The following KCNIP4 variants were observed in gnomAD, a reference collection of about 807,000 sequenced individuals.
KCNIP4 encodes potassium voltage-gated channel interacting protein 4.
KCNIP4 carries 12 observed loss-of-function variants against 34.0 expected under a neutral mutation model. The observed-to-expected ratio is 0.35, with a 90% CI of 0.23 to 0.57. KCNIP4 has a LOEUF of 0.57. KCNIP4 is among the 20% of genes least tolerant of loss of function. The probability of loss-of-function intolerance (pLI) is 0.83; values close to 1 mark genes in which losing one functional copy is unlikely to be tolerated. For missense variants in KCNIP4, 238 were observed against 311.7 expected (o/e 0.76, Z 1.78); for synonymous variants, 124 against 102.2 (o/e 1.21, Z -1.29).
chr4:20,862,717 C>T (rs1250717591), intron 2 of KCNIP4, among the ~76,000 whole-genome samples: 1 of 152,056 alleles, frequency 6.6e-6, no homozygotes, highest in Admixed American at 6.6e-5. Flanking sequence ...TGGAATCAAC[C>T]TAAATGCCCA....
At chr4:20,895,261 T>C (rs1007334358) in intron 1 of KCNIP4, among the ~76,000 whole-genome samples, 1 of 152,216 alleles carries the variant, frequency 6.6e-6, no homozygotes, top group Non-Finnish European at 1.5e-5. Context: ...CATCTTGTCT[T>C]GAATATAGTC....
chr4:21,729,068 C>T (rs1266525828), intron 1 of KCNIP4, among the ~76,000 whole-genome samples: 1 of 152,166 alleles, frequency 6.6e-6, no homozygotes, highest in Non-Finnish European at 1.5e-5. Context: ...TATCTCTCCT[C>T]CAGAACCTAA....
At chr4:21,761,685 T>C (rs1377926894) in intron 1 of KCNIP4, among the ~76,000 whole-genome samples, 1 of 152,104 alleles carries the variant, frequency 6.6e-6, no homozygotes, top group Non-Finnish European at 1.5e-5. Flanking sequence ...AAAGTGTTTC[T>C]TATAACAAAA....
At chr4:21,468,064 CA>C (rs1412295654) in intron 1 of KCNIP4, among the ~76,000 whole-genome samples, 1 of 152,044 alleles carries the variant, frequency 6.6e-6, no homozygotes, top group East Asian at 1.9e-4. Context: ...GATCACTCTG[CA>C]AAAAGCTTAC....
At chr4:21,415,004 C>T (rs1373630110) in intron 1 of KCNIP4, among the ~76,000 whole-genome samples, 3 of 151,916 alleles carry the variant, frequency 2.0e-5, no homozygotes, top group African/African-American at 7.3e-5. Flanking sequence ...AACAAATTAT[C>T]GCTGACTATA....
intron 1 of KCNIP4, among the ~76,000 whole-genome samples, chr4:20,996,705 A>T (rs561470275): frequency 2.3e-4 from 35 of 152,040 alleles, no homozygotes; most frequent in Non-Finnish European, 5.9e-5. Flanking sequence ...GTTCCTCTTG[A>T]TCAAATTGCT....
intron 3 of KCNIP4, among the ~76,000 whole-genome samples, chr4:20,830,152 C>T (rs1718243527): frequency 6.6e-6 from 1 of 152,184 alleles, no homozygotes; most frequent in Non-Finnish European, 1.5e-5. Context: ...ATCATGGCAT[C>T]CTCATTACAT....
intron 1 of KCNIP4, among the ~76,000 whole-genome samples, chr4:21,180,044 GAGCTTTA>G (rs1754728395): frequency 1.3e-5 from 2 of 152,142 alleles, no homozygotes; most frequent in South Asian, 4.1e-4. Context: ...TTTCCATCAA[GAGCTTTA>G]ACAGGCTGCT....
At chr4:20,731,070 G>C (rs907280115) in intron 8 of KCNIP4, among the ~76,000 whole-genome samples, 1 of 152,090 alleles carries the variant, frequency 6.6e-6, no homozygotes, top group African/African-American at 2.4e-5. Flanking sequence ...AGGATTATTT[G>C]AAAAATTCTT....
chr4:21,195,107 T>TTA (rs1219967373), intron 1 of KCNIP4, among the ~76,000 whole-genome samples: 1 of 152,188 alleles, frequency 6.6e-6, no homozygotes, highest in Non-Finnish European at 1.5e-5. Context: ...ACCCTACTCC[T>TTA]TAGCACTTGT....
intron 1 of KCNIP4, among the ~76,000 whole-genome samples, chr4:21,874,413 T>C (rs1404309786): frequency 1.3e-5 from 2 of 152,322 alleles, no homozygotes; most frequent in Non-Finnish European, 1.5e-5. Flanking sequence ...GTTCCTGAGC[T>C]CTCTGGCTTT....
At chr4:21,829,688 A>T (rs1453352080) in intron 1 of KCNIP4, among the ~76,000 whole-genome samples, 1 of 152,082 alleles carries the variant, frequency 6.6e-6, no homozygotes, top group Non-Finnish European at 1.5e-5. Context: ...TATAGCAGCC[A>T]TAAAAAATAA....
intron 1 of KCNIP4, among the ~76,000 whole-genome samples, chr4:21,766,103 CAGA>C (rs1383544034): frequency 1.3e-5 from 2 of 152,042 alleles, no homozygotes; most frequent in Non-Finnish European, 2.9e-5. Flanking sequence ...CACAGGAATG[CAGA>C]AGAAGGTGGA....
intron 1 of KCNIP4, among the ~76,000 whole-genome samples, chr4:21,232,212 G>A (rs1354730471): frequency 3.3e-5 from 5 of 152,050 alleles, no homozygotes; most frequent in Admixed American, 2.6e-4. Context: ...AACTTTAATG[G>A]TGTAAAGTAT....
intron 1 of KCNIP4, among the ~76,000 whole-genome samples, chr4:21,190,156 G>A (rs1380459767): frequency 1.3e-5 from 2 of 152,130 alleles, no homozygotes; most frequent in Non-Finnish European, 2.9e-5. Context: ...GGAGTCTCTT[G>A]AGTCATCTTT....
intron 1 of KCNIP4, among the ~76,000 whole-genome samples, chr4:21,642,100 T>G (rs1746657548): frequency 6.6e-6 from 1 of 152,206 alleles, no homozygotes. Context: ...GAATGCCTTA[T>G]GCCCTGCCAT....
At chr4:20,905,007 G>A (rs912999436) in intron 1 of KCNIP4, among the ~76,000 whole-genome samples, 7 of 152,134 alleles carry the variant, frequency 4.6e-5, no homozygotes, top group African/African-American at 1.7e-4. Context: ...CCAGTTCCAA[G>A]ACATTAGATG....
intron 1 of KCNIP4, among the ~76,000 whole-genome samples, chr4:21,402,827 C>T (rs550517142): frequency 6.6e-6 from 1 of 152,270 alleles, no homozygotes; most frequent in Admixed American, 6.5e-5. Context: ...TCCCTCTTCA[C>T]TGGATTATTA....
chr4:21,609,760 C>CTGAT (rs1420665387), intron 1 of KCNIP4, among the ~76,000 whole-genome samples: 1 of 152,180 alleles, frequency 6.6e-6, no homozygotes, highest in Non-Finnish European at 1.5e-5. Context: ...TGACTACAAA[C>CTGAT]TGATAGGAGA....
Sources: gnomAD v4.1 joint callset for allele counts (sites outside exome capture counted in the v4.1 genomes callset) on GRCh38, gnomAD v4.1.1 for gene constraint, MANE v1.5 for transcripts, NCBI Gene and HGNC (gene_info 2026-07-23, HGNC 2026-07-21) for gene names.